Variants in CFAP74 observed in about 807,000 individuals in gnomAD.
The protein encoded by CFAP74 is cilia- and flagella-associated protein 74.
In CFAP74, 124 loss-of-function variants were observed where a neutral mutation model predicts 188.9. That is an observed-to-expected ratio of 0.66 (90% CI 0.57 to 0.76). The LOEUF is 0.76. CFAP74 is among the 30% of genes least tolerant of loss of function. CFAP74 has a pLI of 0.00. For synonymous variants in CFAP74, 956 were observed against 916.7 expected (o/e 1.04, Z -0.77); for missense variants, 2,198 against 2,165.2 (o/e 1.02, Z -0.30).
In CFAP74 at chr1:1,959,178, A is replaced by G. The variant is rs777397799; in HGVS notation, c.1793T>C (p.Phe598Ser). The G allele has an allele frequency of 6.2e-6, 10 of 1,612,286 alleles. No homozygotes were observed. Among genetic ancestry groups the G allele is most frequent in the African/African-American group, 2.7e-5 (2 of 74,902 alleles). ...INKDLEGNIS[F>S]LAQTGEFSVP... ...TGAAAACTCGCCCGTCTGAGCCAAA[A>G]ATGAGATATTTCCTTCTAGATCCTT... The change falls in exon 16 of 39, where the codon TTT becomes TCT. Residue 598 changes from phenylalanine (F) to serine (S), a missense_variant. Transcript: ENST00000682832.
chr1:1,954,903 G>C (rs1654439946), intron 18 of CFAP74: 2 of 1,007,096 alleles, frequency 2.0e-6, no homozygotes, highest in Non-Finnish European at 2.5e-6. Context: ...GGGCAGTGCA[G>C]AACGGCCTTC....
intron 38 of CFAP74, 42 bp from the exon 39 acceptor site, chr1:1,922,430 G>A (rs775776990): frequency 1.9e-6 from 3 of 1,571,080 alleles, no homozygotes; most frequent in Non-Finnish European, 2.6e-6. Flanking sequence ...TCAGTCAGTG[G>A]GCACCCAGAG....
chr1:1,972,866 G>A (rs191422394), intron 8 of CFAP74, 71 bp downstream of exon 8: 2 of 967,094 alleles, frequency 2.1e-6, no homozygotes, highest in African/African-American at 1.6e-5. Flanking sequence ...TAAAATCAGG[G>A]CATTTCAAGA....
chr1:1,926,976 T>C lies in CFAP74; in HGVS notation c.3580A>G (p.Lys1194Glu). ...RATLLRAFQA[K>E]FDTFVVPCVV... ...CAGGGAACTACAAATGTGTCAAACT[T>C]CGCCTGGAACGCTCTGAGCAGGGTG... Residue 1194 changes from lysine to glutamate, a missense_variant, in exon 29 of 39, where the codon AAG becomes GAG. Physicochemically the swap from Lys to Glu is moderately conservative, Grantham distance 56 (BLOSUM62 1). Coordinates refer to ENST00000682832, the MANE Select transcript of CFAP74 (RefSeq NM_001304360.2). The C allele has an allele frequency of 1.9e-6, 3 of 1,550,258 alleles. No individual in the cohort carries two copies. Among genetic ancestry groups the C allele is most frequent in the South Asian group, 2.4e-5 (2 of 84,064 alleles).
chr1:1,994,832 AG>A (rs1210487271), intron 1 of CFAP74, among the ~76,000 whole-genome samples: 2 of 152,166 alleles, frequency 1.3e-5, no homozygotes, highest in Non-Finnish European at 2.9e-5. Flanking sequence ...CACTAACAAC[AG>A]GGGGTAGATT....
intron 32 of CFAP74, 72 bp downstream of exon 32, chr1:1,926,156 C>T (rs566078232): frequency 9.3e-5 from 135 of 1,455,462 alleles, no homozygotes; most frequent in Non-Finnish European, 1.1e-4. Flanking sequence ...ATGCCCGCCC[C>T]GGCCAGTGCC....
intron 18 of CFAP74, chr1:1,955,313 C>T (rs1445913119): frequency 9.2e-6 from 12 of 1,304,194 alleles, no homozygotes; most frequent in African/African-American, 3.0e-5. Flanking sequence ...CGGCACCTCT[C>T]CCCGCTGGTG....
rs1457668638 is a variant in CFAP74, at chr1:1,927,015, G to C, written c.3541C>G (p.Gln1181Glu). ...CTGAGCAGGGTGGCTCGGGCGGCCT[G>C]GTACTCGTCGGAACTAGAAGGAAGT... Reference protein sequence around the residue: ...RELRPSSDEYQAARATLLRAF... With the variant: ...RELRPSSDEYEAARATLLRAF... The change falls in exon 29 of 39, where the codon CAG becomes GAG. Residue 1181 changes from glutamine to glutamate, a missense_variant. Transcript: ENST00000682832. 1.3e-6 allele frequency: 2 copies of C among 1,550,198 alleles called. No individual in the cohort carries two copies. Among genetic ancestry groups the C allele is most frequent in the Admixed American group, 3.9e-5 (2 of 51,002 alleles).
chr1:1,947,067 G>A lies in CFAP74; in HGVS notation c.2177-13C>T, dbSNP rs1465852759. ...AATCTCTCTGGTTCTGGAAGAGAAGGGGGATCCAGAGGTGAGGGTTGGCAG... is the reference window on the plus strand; with the variant it reads ...AATCTCTCTGGTTCTGGAAGAGAAGAGGGATCCAGAGGTGAGGGTTGGCAG... On this transcript the variant is annotated splice_polypyrimidine_tract_variant and intron_variant, in intron 18 of 38. Coordinates refer to ENST00000682832, the MANE Select transcript of CFAP74 (RefSeq NM_001304360.2). 1.3e-6 allele frequency: 2 copies of A among 1,533,456 alleles called. No homozygotes were observed. Among genetic ancestry groups the A allele is most frequent in the Non-Finnish European group, 8.7e-7 (1 of 1,144,470 alleles). 95.0% of individuals were successfully genotyped at this position (1,533,456 alleles called of 1,614,324 possible).
chr1:1,997,673 G>A (rs1270772024), intron 1 of CFAP74, among the ~76,000 whole-genome samples: 1 of 152,068 alleles, frequency 6.6e-6, no homozygotes, highest in Non-Finnish European at 1.5e-5. Flanking sequence ...AAACCATGAA[G>A]TACTCAAGAA....
chr1:1,963,301 A>G (rs1655220105), intron 14 of CFAP74, among the ~76,000 whole-genome samples: 1 of 152,018 alleles, frequency 6.6e-6, no homozygotes, highest in African/African-American at 2.4e-5. Flanking sequence ...AAATATAAAA[A>G]TTAGCCAGGC....
chr1:1,924,931 G>A (rs752967), intron 33 of CFAP74, among the ~76,000 whole-genome samples: 21,992 of 152,270 alleles, frequency 0.14, 2,893 homozygotes, highest in African/African-American at 0.34. Context: ...CCTGAGCCAG[G>A]CGGAGAAGCA....
At chr1:1,986,709 G>A (rs1657262216) in intron 5 of CFAP74, among the ~76,000 whole-genome samples, 1 of 152,228 alleles carries the variant, frequency 6.6e-6, no homozygotes, top group Admixed American at 6.5e-5. Context: ...GCCTTCCCCT[G>A]ACTGCTGACC....
intron 1 of CFAP74, among the ~76,000 whole-genome samples, chr1:1,996,648 C>T (rs1009850740): frequency 3.3e-5 from 5 of 152,162 alleles, no homozygotes; most frequent in South Asian, 2.1e-4. Context: ...TGGCCGGGTG[C>T]GGGCGCTCAT....
At chr1:1,982,010 C>T (rs1401303420) in intron 6 of CFAP74, among the ~76,000 whole-genome samples, 3 of 137,510 alleles carry the variant, frequency 2.2e-5, no homozygotes, top group African/African-American at 8.1e-5. Context: ...TGGACAGACA[C>T]GGGGACACGC....
In CFAP74 at chr1:1,925,786, G is replaced by A; in HGVS notation, c.4101C>T (p.Phe1367=). The A allele has an allele frequency of 3.1e-6, 5 of 1,611,162 alleles. No individual in the cohort carries two copies. Among genetic ancestry groups the A allele is most frequent in the Non-Finnish European group, 4.2e-6 (5 of 1,178,838 alleles). ...VIAGESVSSG[F]KLQNNSLLPI... ...CCAGGGCCCACGTGTGCTTCACCTT[G>A]AAGCCTGAGGACACAGACTCTCCGG... The change falls in exon 33 of 39, where the codon TTC becomes TTT. Residue 1367 remains phenylalanine, a synonymous_variant. Transcript: ENST00000682832.
chr1:1,957,405 C>T (rs982801820), intron 16 of CFAP74, among the ~76,000 whole-genome samples: 4 of 152,242 alleles, frequency 2.6e-5, no homozygotes, highest in African/African-American at 7.2e-5. Flanking sequence ...GGACGTGGTT[C>T]GCAGAGGGCG....
At chr1:1,993,097 A>G (rs1277396399) in intron 1 of CFAP74, among the ~76,000 whole-genome samples, 2 of 146,198 alleles carry the variant, frequency 1.4e-5, no homozygotes, top group East Asian at 2.3e-4. Context: ...GCTACTTGGG[A>G]GGCTGAGGCC....
intron 14 of CFAP74, among the ~76,000 whole-genome samples, chr1:1,962,895 A>C (rs1212379072): frequency 6.6e-6 from 1 of 152,192 alleles, no homozygotes; most frequent in Non-Finnish European, 1.5e-5. Context: ...TCAAAAACAA[A>C]ACAAAGAAAA....
Sources: gnomAD v4.1 joint callset for allele counts (sites outside exome capture counted in the v4.1 genomes callset) on GRCh38, gnomAD v4.1.1 for gene constraint, MANE v1.5 for transcripts, NCBI Gene and HGNC (gene_info 2026-07-23, HGNC 2026-07-21) for gene names.